The following SLC39A8 variants were observed in gnomAD, a reference collection of about 807,000 sequenced individuals.
The protein encoded by SLC39A8 is solute carrier family 39 member 8, also known as metal cation symporter ZIP8.
A neutral mutation model predicts 40.4 loss-of-function variants in SLC39A8; 15 were observed. The ratio of observed to expected loss-of-function variants is 0.37; its 90% CI spans 0.25 to 0.57. The LOEUF (loss-of-function observed/expected upper bound fraction) is 0.57, where lower values mean the gene tolerates loss of function less well. Ranked by LOEUF, SLC39A8 falls within the 20% of genes least tolerant of loss-of-function variation. The pLI, the probability that SLC39A8 is intolerant of heterozygous loss-of-function variation, is 0.75. For missense variants in SLC39A8, 472 were observed against 558.8 expected, an observed-to-expected ratio of 0.84 and a Z score of 1.57; for synonymous variants, 223 against 221.6, an observed-to-expected ratio of 1.01 and a Z score of -0.06.
At chr4:102,270,073 C>T (rs890225262) in intron 6 of SLC39A8, among the ~76,000 whole-genome samples, 1 of 152,092 alleles carries the variant, frequency 6.6e-6, no homozygotes, top group African/African-American at 2.4e-5. Flanking sequence ...AAACTTAATG[C>T]CGTGATATAC....
At chr4:102,305,694 ACTCT>A (rs1020713038) in intron 4 of SLC39A8, among the ~76,000 whole-genome samples, 1 of 151,246 alleles carries the variant, frequency 6.6e-6, no homozygotes, top group African/African-American at 2.4e-5. Flanking sequence ...AATTGCCACC[ACTCT>A]CTCTCTCTCT....
chr4:102,281,565 G>A (rs1578571340), intron 6 of SLC39A8, among the ~76,000 whole-genome samples: 1 of 152,248 alleles, frequency 6.6e-6, no homozygotes, highest in East Asian at 1.9e-4. Flanking sequence ...CAAAGAAATA[G>A]ATGAGAAGAG....
downstream of SLC39A8, chr4:102,259,529 T>C (rs182788021): frequency 2.2e-5 from 33 of 1,527,498 alleles, no homozygotes; most frequent in Admixed American, 4.1e-4. Context: ...AAGAATCAGA[T>C]AACAAACTGG....
downstream of SLC39A8, among the ~76,000 whole-genome samples, chr4:102,260,464 T>G (rs921583398): frequency 1.3e-5 from 2 of 152,152 alleles, no homozygotes; most frequent in African/African-American, 4.8e-5. Context: ...AGTTTGAACT[T>G]TTTGCCTTTC....
At chr4:102,259,036 C>A (rs1207020546), downstream of SLC39A8, among the ~76,000 whole-genome samples, 1 of 152,220 alleles carries the variant, frequency 6.6e-6, no homozygotes, top group South Asian at 2.1e-4. Flanking sequence ...CCTCACTTCA[C>A]CTGCAAAAGC....
intron 6 of SLC39A8, among the ~76,000 whole-genome samples, chr4:102,301,937 G>A (rs1733943594): frequency 6.6e-6 from 1 of 151,994 alleles, no homozygotes; most frequent in Admixed American, 6.6e-5. Context: ...TGATACTCAA[G>A]GCACATTTAG....
intron 8 of SLC39A8, among the ~76,000 whole-genome samples, chr4:102,263,418 T>A (rs1185067890): frequency 6.6e-6 from 1 of 152,158 alleles, no homozygotes; most frequent in African/African-American, 2.4e-5. Context: ...TAGCATAATA[T>A]CTAAAAAGGC....
rs1204062546 is a variant in SLC39A8, at chr4:102,320,409, AATATATATATGAGAAT to A, written c.220-4595_220-4580del. Among the ~76,000 whole-genome samples, 51 of 107,634 alleles carry A rather than the reference AATATATATATGAGAAT, an allele frequency of 4.7e-4. 2 individuals carry two copies. Among genetic ancestry groups the A allele is most frequent in the East Asian group, 4.4e-3 (18 of 4,126 alleles). 70.6% of individuals were successfully genotyped at this position (107,634 alleles called of 152,430 possible). A position where few individuals can be genotyped will look rare whatever the true frequency, so the allele number is the denominator to read the frequency against. ...ATATATATGAGTATATATATATGAG[AATATATATATGAGAAT>A]ATATATATATGAGAATATATATATG... On this transcript the variant is annotated intron_variant, in intron 2 of 8. Transcript: ENST00000356736.
At chr4:102,297,416 G>A (rs1334512635) in intron 6 of SLC39A8, among the ~76,000 whole-genome samples, 1 of 152,056 alleles carries the variant, frequency 6.6e-6, no homozygotes, top group Non-Finnish European at 1.5e-5. Context: ...AAGATTAAAC[G>A]AGTTAATATA....
chr4:102,318,096 G>C (rs1396595121), intron 2 of SLC39A8, among the ~76,000 whole-genome samples: 1 of 152,086 alleles, frequency 6.6e-6, no homozygotes, highest in Non-Finnish European at 1.5e-5. Flanking sequence ...TCACGAGCTT[G>C]AATGCCACCA....
Position 102,261,738 on chromosome 4 carries a change from C to T in SLC39A8, c.*1306G>A. ...TGTCAGTCATAAAGTGAAATACATACTAAAATATATATTAAATATTCACCA... is the reference window on the plus strand; with the variant it reads ...TGTCAGTCATAAAGTGAAATACATATTAAAATATATATTAAATATTCACCA... On this transcript the variant is annotated 3_prime_UTR_variant, in exon 9 of 9. Transcript: ENST00000356736. The T allele has an allele frequency of 1.0e-6, 1 of 980,668 alleles. No homozygotes were observed. The highest frequency in any genetic ancestry group is 1.2e-6 in the Non-Finnish European group (1 of 825,190). The allele number at this position is 980,668 out of a possible 1,614,324, so 60.7% of individuals were successfully genotyped here.
intron 2 of SLC39A8, among the ~76,000 whole-genome samples, chr4:102,343,418 T>A (rs1314476343): frequency 1.3e-5 from 2 of 152,162 alleles, no homozygotes; most frequent in African/African-American, 2.4e-5. Flanking sequence ...TTCCCAAACA[T>A]CTTGGACCCC....
chr4:102,269,356 TTTTG>T (rs1358869379), intron 6 of SLC39A8, among the ~76,000 whole-genome samples: 2 of 152,212 alleles, frequency 1.3e-5, no homozygotes, highest in Non-Finnish European at 2.9e-5. Context: ...ACCTTTGGAT[TTTTG>T]TTTGTTTGTA....
At chr4:102,284,842 A>T (rs1015592730) in intron 6 of SLC39A8, among the ~76,000 whole-genome samples, 11 of 152,006 alleles carry the variant, frequency 7.2e-5, no homozygotes, top group African/African-American at 2.4e-4. Flanking sequence ...CCAGGAAACT[A>T]TAATGATGGC....
chr4:102,288,169 T>C (rs1388091645), intron 6 of SLC39A8, among the ~76,000 whole-genome samples: 3 of 152,168 alleles, frequency 2.0e-5, no homozygotes, highest in Non-Finnish European at 4.4e-5. Context: ...CATGTGCTCA[T>C]TTCATGCCTC....
downstream of SLC39A8, among the ~76,000 whole-genome samples, chr4:102,257,197 C>CGAG: frequency 4.0e-5 from 6 of 151,502 alleles, no homozygotes; most frequent in African/African-American, 1.5e-4. Context: ...CTCTGTTACC[C>CGAG]ATGCTAGAGT....
intron 2 of SLC39A8, among the ~76,000 whole-genome samples, chr4:102,331,490 C>A (rs1405934371): frequency 5.9e-5 from 9 of 152,224 alleles, no homozygotes; most frequent in African/African-American, 1.9e-4. Context: ...AGGAGAACTA[C>A]AAACCACTGC....
intron 6 of SLC39A8, among the ~76,000 whole-genome samples, chr4:102,294,706 T>C (rs1201344484): frequency 6.6e-6 from 1 of 152,036 alleles, no homozygotes; most frequent in East Asian, 1.9e-4. Flanking sequence ...CACTCTTCCT[T>C]ACTGTTTTAA....
chr4:102,335,896 C>T (rs919615480), intron 2 of SLC39A8, among the ~76,000 whole-genome samples: 2 of 152,100 alleles, frequency 1.3e-5, no homozygotes, highest in Non-Finnish European at 2.9e-5. Flanking sequence ...GCTGTCTTTT[C>T]ATGGCTGTGC....
Sources: gnomAD v4.1 joint callset for allele counts (sites outside exome capture counted in the v4.1 genomes callset) on GRCh38, gnomAD v4.1.1 for gene constraint, MANE v1.5 for transcripts, NCBI Gene and HGNC (gene_info 2026-07-23, HGNC 2026-07-21) for gene names.